OR4K1: variants seen among roughly 807,000 people sequenced by gnomAD.
OR4K1 encodes the protein olfactory receptor 4K1.
In OR4K1, 16 loss-of-function variants were observed where a neutral mutation model predicts 14.4. The ratio of observed to expected loss-of-function variants is 1.11; its 90% CI spans 0.75 to 1.68. OR4K1 has a LOEUF of 1.68. Among genes scored for constraint, OR4K1 ranks in the 40% most tolerant of loss-of-function variants. The probability of loss-of-function intolerance (pLI) is 0.00; values close to 1 mark genes in which losing one functional copy is unlikely to be tolerated. For missense variants in OR4K1, 548 were observed against 376.9 expected (o/e 1.45, Z -3.76); for synonymous variants, 181 against 133.1 (o/e 1.36, Z -2.48).
the OR4K1 span, chr14:19,921,750 G>A: frequency 2.8e-6 from 2 of 711,846 alleles, no homozygotes; most frequent in African/African-American, 1.8e-5. Context: ...ATAAAAACAT[G>A]GAAAAATCTC....
chr14:19,924,236 A>G, the OR4K1 span, among the ~76,000 whole-genome samples: 1 of 152,144 alleles, frequency 6.6e-6, no homozygotes, highest in Non-Finnish European at 1.5e-5. Context: ...ACCCCTCTCT[A>G]CTAAAAATAC....
the OR4K1 span, among the ~76,000 whole-genome samples, chr14:19,922,729 C>T: frequency 2.0e-5 from 3 of 151,982 alleles, no homozygotes; most frequent in Non-Finnish European, 4.4e-5. Context: ...TCACAACAGC[C>T]ACAATAAGGA....
the OR4K1 span, chr14:19,921,793 G>A: frequency 4.0e-6 from 2 of 501,108 alleles, no homozygotes; most frequent in Non-Finnish European, 6.7e-6. Context: ...AATAAAATAT[G>A]GGCACTAGAT....
chr14:19,927,656 G>A (rs1335967780), upstream of OR4K1, among the ~76,000 whole-genome samples: 1 of 152,210 alleles, frequency 6.6e-6, no homozygotes, highest in Non-Finnish European at 1.5e-5. Context: ...GAGTCATGCT[G>A]CAACCTTGTT....
chr14:19,921,578 A>C, the OR4K1 span: 3 of 1,605,654 alleles, frequency 1.9e-6, no homozygotes, highest in Admixed American at 1.7e-5. Context: ...CCTTTCATTA[A>C]GACAAAACTC....
At chr14:19,920,731 A>G in the OR4K1 span, 7 of 1,614,066 alleles carry the variant, frequency 4.3e-6, no homozygotes, top group Non-Finnish European at 5.9e-6. Flanking sequence ...GTGCTGGGAA[A>G]TCTTCTCATT....
In OR4K1 at chr14:19,936,440, T is replaced by C; in HGVS notation, c.774T>C (p.Tyr258=). The change falls in exon 2 of 2, where the codon TAT becomes TAC. Residue 258 remains tyrosine (Y), a synonymous_variant. Transcript: ENST00000641172. ...ILFFGPCIYF[Y]IWPFSRLPVD... is the part of the protein sequence containing the mutation. ...TCTTCGGGCCTTGCATTTATTTCTATATATGGCCTTTTAGCAGACTTCCTG... is the reference window on the plus strand; with the variant it reads ...TCTTCGGGCCTTGCATTTATTTCTACATATGGCCTTTTAGCAGACTTCCTG... 1 of 1,614,138 alleles carries C rather than the reference T, an allele frequency of 6.2e-7. No homozygotes were observed. The highest frequency in any genetic ancestry group is 8.5e-7 in the Non-Finnish European group (1 of 1,180,030).
chr14:19,920,825 G>A, the OR4K1 span: 2 of 1,614,152 alleles, frequency 1.2e-6, no homozygotes, highest in Non-Finnish European at 1.7e-6. Flanking sequence ...ACATTTGTCA[G>A]GCTTCTTTTG....
upstream of OR4K1, among the ~76,000 whole-genome samples, chr14:19,929,396 TGTGTGTGTGC>T (rs1478099512): frequency 3.3e-4 from 47 of 140,654 alleles, no homozygotes; most frequent in African/African-American, 1.2e-3. Flanking sequence ...TGTGTGTGTG[TGTGTGTGTGC>T]GTATGGGGGG....
At position 19,936,328 on chromosome 14, in the gene OR4K1, T is replaced by A. The variant is rs1489165075; in HGVS notation, c.662T>A (p.Ile221Asn). 2 of 1,614,150 alleles carry A rather than the reference T, an allele frequency of 1.2e-6. No individual in the cohort carries two copies. Among genetic ancestry groups the A allele is most frequent in the Non-Finnish European group, 1.7e-6 (2 of 1,180,050 alleles). The part of the protein sequence containing the change: ...FLALIISYTI[I>N]LIGVRCRSSS... ...GCTTTAATTATTTCCTACACCATCA[T>A]TTTGATCGGTGTCCGATGCAGGTCC... Residue 221 changes from isoleucine (I) to asparagine (N), a missense_variant, in exon 2 of 2, where the codon ATT becomes AAT. Physicochemically the swap from Ile to Asn is moderately radical, Grantham distance 149. Transcript: ENST00000641172.
the OR4K1 span, chr14:19,921,349 T>C: frequency 3.1e-6 from 5 of 1,614,184 alleles, no homozygotes; most frequent in Non-Finnish European, 4.2e-6. Context: ...GCAGTAGTAA[T>C]ATTATTCTTT....
upstream of OR4K1, among the ~76,000 whole-genome samples, chr14:19,930,035 A>G (rs2138588877): frequency 6.6e-6 from 1 of 152,324 alleles, no homozygotes; most frequent in South Asian, 2.1e-4. Context: ...TATGTTTTTA[A>G]CCATACATAT....
At chr14:19,920,671 A>G in the OR4K1 span, 1 of 1,613,938 alleles carries the variant, frequency 6.2e-7, no homozygotes, top group Non-Finnish European at 8.5e-7. Context: ...AGTTCTCAAA[A>G]ACTCCAGCTT....
the OR4K1 span, among the ~76,000 whole-genome samples, chr14:19,921,921 G>A: frequency 6.6e-6 from 1 of 152,230 alleles, no homozygotes; most frequent in Non-Finnish European, 1.5e-5. Flanking sequence ...CAGGTTTTAA[G>A]AGTTTTCTTA....
the OR4K1 span, among the ~76,000 whole-genome samples, chr14:19,924,957 A>G: frequency 6.6e-6 from 1 of 152,206 alleles, no homozygotes; most frequent in Non-Finnish European, 1.5e-5. Flanking sequence ...TTTAAAATAT[A>G]AAAAATAGAA....
At chr14:19,921,154 G>C in the OR4K1 span, 1 of 1,614,092 alleles carries the variant, frequency 6.2e-7, no homozygotes, top group Non-Finnish European at 8.5e-7. Context: ...GATCTTCCTC[G>C]AGTCACCAAA....
chr14:19,934,169 TCTGTTGTGTA>T (rs1566502200), intron 1 of OR4K1, among the ~76,000 whole-genome samples: 2 of 152,352 alleles, frequency 1.3e-5, no homozygotes, highest in Non-Finnish European at 2.9e-5. Context: ...CAAATAAATA[TCTGTTGTGTA>T]CTGTTGGATA....
the OR4K1 span, chr14:19,920,564 C>A: frequency 6.5e-7 from 1 of 1,538,940 alleles, no homozygotes; most frequent in South Asian, 1.3e-5. Flanking sequence ...TTCTATTTAT[C>A]CTCCTTTAGA....
chr14:19,921,446 C>T, the OR4K1 span: 32 of 1,613,896 alleles, frequency 2.0e-5, no homozygotes, highest in African/African-American at 1.1e-4. Context: ...TTTTCACCCC[C>T]GTCCTAAACC....
Sources: allele counts gnomAD v4.1 joint callset (sites outside exome capture counted in the v4.1 genomes callset), GRCh38; gene constraint gnomAD v4.1.1; transcripts MANE v1.5; gene names NCBI Gene and HGNC (gene_info 2026-07-23, HGNC 2026-07-21).